Variants in METTL25 observed in about 807,000 individuals in gnomAD.
METTL25 encodes methyltransferase like 25, also known as probable methyltransferase-like protein 25.
A neutral mutation model predicts 71.6 loss-of-function variants in METTL25; 64 were observed. That is an observed-to-expected ratio of 0.89 (90% CI 0.73 to 1.10). The LOEUF (loss-of-function observed/expected upper bound fraction) is 1.10. Ranked by LOEUF, METTL25 falls within the 50% of genes least tolerant of loss-of-function variation. The probability of loss-of-function intolerance (pLI) is 0.00; values close to 1 mark genes in which losing one functional copy is unlikely to be tolerated. For synonymous variants in METTL25, 287 were observed against 250.3 expected, an observed-to-expected ratio of 1.15 and a Z score of -1.38; for missense variants, 807 against 707.0, an observed-to-expected ratio of 1.14 and a Z score of -1.60.
intron 1 of METTL25, among the ~76,000 whole-genome samples, chr12:82,363,811 A>G (rs574049008): frequency 1.3e-5 from 2 of 152,118 alleles, no homozygotes; most frequent in East Asian, 1.9e-4. Flanking sequence ...TTTAGTACCT[A>G]TGATGAAAGA....
chr12:82,461,920 T>G (rs763710543), intron 9 of METTL25, among the ~76,000 whole-genome samples: 4 of 152,212 alleles, frequency 2.6e-5, no homozygotes, highest in South Asian at 2.1e-4. Flanking sequence ...CATGATTTCT[T>G]ATATATTGTC....
chr12:82,374,698 T>C (rs960810335), intron 1 of METTL25, among the ~76,000 whole-genome samples: 1 of 152,206 alleles, frequency 6.6e-6, no homozygotes. Context: ...TCCAAGTGTA[T>C]AGAACAGTGT....
At chr12:82,383,640 T>C (rs1884670223) in intron 1 of METTL25, among the ~76,000 whole-genome samples, 1 of 152,172 alleles carries the variant, frequency 6.6e-6, no homozygotes, top group Non-Finnish European at 1.5e-5. Flanking sequence ...GACCTAACAG[T>C]ACTCTGTTTT....
At chr12:82,425,604 G>A (rs1292799626) in intron 5 of METTL25, among the ~76,000 whole-genome samples, 2 of 152,100 alleles carry the variant, frequency 1.3e-5, no homozygotes, top group South Asian at 2.1e-4. Flanking sequence ...AACAAGAGCT[G>A]CTGCTGACAT....
chr12:82,376,235 T>G (rs2136890044), intron 1 of METTL25, among the ~76,000 whole-genome samples: 1 of 152,352 alleles, frequency 6.6e-6, no homozygotes, highest in South Asian at 2.1e-4. Context: ...GATAAGTTTT[T>G]CAACTCATAC....
At chr12:82,433,633 G>A (rs531711185) in intron 6 of METTL25, among the ~76,000 whole-genome samples, 1 of 151,682 alleles carries the variant, frequency 6.6e-6, no homozygotes, top group South Asian at 2.1e-4. Flanking sequence ...TTGCTAACTA[G>A]CTATGCAATT....
At chr12:82,447,942 G>T (rs1445360672) in intron 8 of METTL25, among the ~76,000 whole-genome samples, 2 of 151,974 alleles carry the variant, frequency 1.3e-5, no homozygotes, top group African/African-American at 2.4e-5. Flanking sequence ...GTGGTTAAAA[G>T]CTTGTCTAAA....
chr12:82,375,369 G>A (rs376865975), intron 1 of METTL25, among the ~76,000 whole-genome samples: 2 of 152,164 alleles, frequency 1.3e-5, no homozygotes, highest in South Asian at 4.1e-4. Context: ...GAAGCAGAGA[G>A]CAACCCTCAA....
At chr12:82,452,401 G>T (rs1891213273) in intron 8 of METTL25, among the ~76,000 whole-genome samples, 2 of 152,178 alleles carry the variant, frequency 1.3e-5, no homozygotes, top group Non-Finnish European at 2.9e-5. Context: ...TACTCAGAAG[G>T]CTGAAGCAGG....
intron 5 of METTL25, among the ~76,000 whole-genome samples, chr12:82,418,711 A>G (rs1888201930): frequency 6.6e-6 from 1 of 152,182 alleles, no homozygotes; most frequent in African/African-American, 2.4e-5. Context: ...GTTGCTTAAT[A>G]TGTACCATAG....
At chr12:82,374,808 T>A (rs1293187220) in intron 1 of METTL25, among the ~76,000 whole-genome samples, 1 of 152,200 alleles carries the variant, frequency 6.6e-6, no homozygotes, top group Non-Finnish European at 1.5e-5. Flanking sequence ...AAAAATAATG[T>A]CAGAAAAAAA....
chr12:82,413,667 G>T (rs924671789), intron 5 of METTL25, among the ~76,000 whole-genome samples: 1 of 152,010 alleles, frequency 6.6e-6, no homozygotes, highest in Non-Finnish European at 1.5e-5. Context: ...TTCTGGTTCT[G>T]ATGATACCAT....
chr12:82,441,420 G>T lies in METTL25; in HGVS notation c.1478+2629G>T, dbSNP rs372530389. Reference sequence around the variant, plus strand: ...GAAATGTACCCTTAGGAAAGCCAGAGAAAGGCTTAAAATAACTATACTTGA... The same window carrying T: ...GAAATGTACCCTTAGGAAAGCCAGATAAAGGCTTAAAATAACTATACTTGA... On this transcript the variant is annotated intron_variant, in intron 8 of 11. Coordinates refer to ENST00000248306, the MANE Select transcript of METTL25 (RefSeq NM_032230.3). Among the ~76,000 whole-genome samples the T allele has an allele frequency of 1.1e-4, 17 of 151,926 alleles. 1 individual carries two copies. Among genetic ancestry groups the T allele is most frequent in the African/African-American group, 3.4e-4 (14 of 41,454 alleles).
chr12:82,447,805 C>T (rs1164129512), intron 8 of METTL25, among the ~76,000 whole-genome samples: 1 of 152,042 alleles, frequency 6.6e-6, no homozygotes, highest in Non-Finnish European at 1.5e-5. Context: ...ACGCTTATTG[C>T]TTTTGTTCAG....
intron 8 of METTL25, among the ~76,000 whole-genome samples, chr12:82,455,069 A>G (rs577140582): frequency 1.3e-5 from 2 of 151,924 alleles, no homozygotes; most frequent in South Asian, 4.1e-4. Flanking sequence ...CTTTTTCTCA[A>G]GAGCTACTCC....
intron 1 of METTL25, among the ~76,000 whole-genome samples, chr12:82,361,769 C>T (rs7295042): frequency 0.062 from 9,452 of 152,260 alleles, 342 homozygotes; most frequent in Middle Eastern, 0.11. Context: ...GCAAGCGTGG[C>T]GCGCAGCCCT....
rs1886376778 is a variant in METTL25 at position 82,399,308 on chromosome 12, A to C, written c.1045A>C (p.Lys349Gln). 6.2e-7 allele frequency: 1 copy of C among 1,612,906 alleles called. No homozygotes were observed. Among genetic ancestry groups the C allele is most frequent in the East Asian group, 2.2e-5 (1 of 44,756 alleles). Reference sequence around the variant, plus strand: ...TAAAGAGAGAAGAAAAATGACATCAAAGTCAAGTGAATCAAATATATATTC... The same window carrying C: ...TAAAGAGAGAAGAAAAATGACATCACAGTCAAGTGAATCAAATATATATTC... ...ANKERRKMTSKSSESNIYSPL... is the reference protein window; with the variant it reads ...ANKERRKMTSQSSESNIYSPL... The change falls in exon 4 of 12, where the codon AAG becomes CAG. Residue 349 changes from lysine to glutamine, a missense_variant. Transcript: ENST00000248306.
At chr12:82,464,351 A>G (rs1472359786) in intron 9 of METTL25, among the ~76,000 whole-genome samples, 1 of 151,814 alleles carries the variant, frequency 6.6e-6, no homozygotes, top group Non-Finnish European at 1.5e-5. Context: ...TTTCCCAGCA[A>G]CATTTATGGA....
At chr12:82,371,633 T>C (rs942944691) in intron 1 of METTL25, among the ~76,000 whole-genome samples, 20 of 152,174 alleles carry the variant, frequency 1.3e-4, no homozygotes, top group Admixed American at 5.9e-4. Flanking sequence ...TTGCCAGGTT[T>C]AATAACGCCT....
Sources: gnomAD v4.1 joint callset for allele counts (sites outside exome capture counted in the v4.1 genomes callset) on GRCh38, gnomAD v4.1.1 for gene constraint, MANE v1.5 for transcripts, NCBI Gene and HGNC (gene_info 2026-07-23, HGNC 2026-07-21) for gene names.